Variants in YEATS4 observed in about 807,000 individuals in gnomAD.
YEATS4 encodes the protein YEATS domain-containing protein 4.
A neutral mutation model predicts 30.1 loss-of-function variants in YEATS4; 17 were observed. The ratio of observed to expected loss-of-function variants is 0.56; its 90% CI spans 0.39 to 0.85. The LOEUF is 0.85. YEATS4 is among the 40% of genes least tolerant of loss of function. YEATS4 has a pLI of 0.00. For missense variants in YEATS4, 142 were observed against 268.3 expected (o/e 0.53, Z 3.29); for synonymous variants, 85 against 87.5 (o/e 0.97, Z 0.16).
the YEATS4 span, among the ~76,000 whole-genome samples, chr12:69,414,532 G>A: frequency 6.6e-6 from 1 of 152,262 alleles, no homozygotes; most frequent in Admixed American, 6.5e-5. Context: ...TGCCCGAAGA[G>A]TACATTTCTT....
the YEATS4 span, among the ~76,000 whole-genome samples, chr12:69,420,597 G>T: frequency 6.6e-6 from 1 of 152,166 alleles, no homozygotes; most frequent in Non-Finnish European, 1.5e-5. Flanking sequence ...AAAGCTACAT[G>T]ACTCCACTCA....
At chr12:69,394,340 A>C (rs1252104442), downstream of YEATS4, among the ~76,000 whole-genome samples, 3 of 152,254 alleles carry the variant, frequency 2.0e-5, no homozygotes, top group African/African-American at 7.2e-5. Context: ...TAAAGCTTTA[A>C]GATTAAAAGA....
At chr12:69,372,234 A>ATATATATT (rs1875672445) in intron 6 of YEATS4, among the ~76,000 whole-genome samples, 1 of 152,206 alleles carries the variant, frequency 6.6e-6, no homozygotes, top group Non-Finnish European at 1.5e-5. Flanking sequence ...ATATATATTT[A>ATATATATT]CTGGGTACAT....
intron 4 of YEATS4, among the ~76,000 whole-genome samples, chr12:69,369,967 C>G (rs970569012): frequency 6.6e-6 from 1 of 152,170 alleles, no homozygotes. Flanking sequence ...CTGACTTTTT[C>G]AGTGTACCCT....
intron 2 of YEATS4, among the ~76,000 whole-genome samples, chr12:69,365,312 A>G (rs933755579): frequency 1.3e-5 from 2 of 151,994 alleles, no homozygotes; most frequent in African/African-American, 2.4e-5. Context: ...TTAGCCAGGC[A>G]TGGTGGCAGC....
At chr12:69,363,079 G>A (rs1314113522) in intron 2 of YEATS4, 172 bp downstream of exon 2, 6 of 407,454 alleles carry the variant, frequency 1.5e-5, no homozygotes, top group East Asian at 7.6e-5. Flanking sequence ...TGCAAGCTCC[G>A]CCTCCCGGGT....
At chr12:69,422,548 T>C in the YEATS4 span, 1 of 134,982 alleles carries the variant, frequency 7.4e-6, no homozygotes, top group Admixed American at 8.9e-5. Context: ...GGAGGATCAC[T>C]ACAGCCCCGG....
At chr12:69,398,637 A>C in the YEATS4 span, among the ~76,000 whole-genome samples, 3 of 151,382 alleles carry the variant, frequency 2.0e-5, no homozygotes, top group Non-Finnish European at 4.4e-5. Context: ...ACATGGCAAA[A>C]TCCTGTCTCT....
the YEATS4 span, among the ~76,000 whole-genome samples, chr12:69,426,421 A>G: frequency 6.6e-6 from 1 of 152,066 alleles, no homozygotes; most frequent in African/African-American, 2.4e-5. Context: ...CCCAGGCTGG[A>G]GTACAGTGGC....
chr12:69,374,239 T>C (rs1875756704), intron 6 of YEATS4, among the ~76,000 whole-genome samples: 1 of 152,024 alleles, frequency 6.6e-6, no homozygotes, highest in South Asian at 2.1e-4. Context: ...ATTTTAACAA[T>C]ATTGATTTTC....
At chr12:69,417,984 A>G in the YEATS4 span, among the ~76,000 whole-genome samples, 9 of 152,280 alleles carry the variant, frequency 5.9e-5, no homozygotes, top group African/African-American at 1.9e-4. Context: ...AAAATAAGCT[A>G]TATTTAAAGT....
the YEATS4 span, among the ~76,000 whole-genome samples, chr12:69,419,610 G>T: frequency 6.6e-6 from 1 of 152,084 alleles, no homozygotes; most frequent in African/African-American, 2.4e-5. Context: ...TGTATGCCAG[G>T]CCCCGGCTTA....
At chr12:69,375,495 C>T (rs11177631) in intron 6 of YEATS4, among the ~76,000 whole-genome samples, 60,829 of 151,440 alleles carry the variant, frequency 0.4, 12,487 homozygotes, top group Non-Finnish European at 0.46. Flanking sequence ...ACTTCCTAGA[C>T]GGGGTGGCGG....
At chr12:69,389,686 T>G (rs1463871621) in intron 6 of YEATS4, among the ~76,000 whole-genome samples, 13 of 151,750 alleles carry the variant, frequency 8.6e-5, no homozygotes, top group Admixed American at 8.5e-4. Flanking sequence ...GCTAATTTTG[T>G]ATTTTTGATA....
intron 6 of YEATS4, among the ~76,000 whole-genome samples, chr12:69,385,786 A>G (rs1592859776): frequency 6.6e-6 from 1 of 152,244 alleles, no homozygotes; most frequent in African/African-American, 2.4e-5. Context: ...AGAGCTTACT[A>G]TGTACCTGAC....
At chr12:69,389,746 C>T (rs1414912645) in intron 6 of YEATS4, among the ~76,000 whole-genome samples, 2 of 152,044 alleles carry the variant, frequency 1.3e-5, no homozygotes, top group African/African-American at 2.4e-5. Flanking sequence ...CTCCTGACCT[C>T]AAGTGATCCA....
chr12:69,381,811 A>C (rs1355527228), intron 6 of YEATS4, among the ~76,000 whole-genome samples: 1 of 152,120 alleles, frequency 6.6e-6, no homozygotes, highest in Non-Finnish European at 1.5e-5. Flanking sequence ...TGCCATGGTG[A>C]TGAAGGCTTG....
At position 69,359,944 on chromosome 12, in the gene YEATS4, G is replaced by A. The variant is rs779259658; in HGVS notation, c.-29G>A. 1 of 1,610,600 alleles carries A rather than the reference G, an allele frequency of 6.2e-7. No individual in the cohort carries two copies. Among genetic ancestry groups the A allele is most frequent in the South Asian group, 1.1e-5 (1 of 90,734 alleles). ...CCCGCCAGCCCCGGTCTCTTTCCCT[G>A]GCGGCGGCGGCTTCTTCCGTGGGAC... On this transcript the variant is annotated 5_prime_UTR_variant, in exon 1 of 7. Transcript: ENST00000247843.
the YEATS4 span, among the ~76,000 whole-genome samples, chr12:69,422,395 G>A: frequency 6.6e-6 from 1 of 152,068 alleles, no homozygotes; most frequent in Admixed American, 6.5e-5. Context: ...ACTTTCAGAG[G>A]CTGAGGTGGG....
Sources: gnomAD v4.1 joint callset for allele counts (sites outside exome capture counted in the v4.1 genomes callset) on GRCh38, gnomAD v4.1.1 for gene constraint, MANE v1.5 for transcripts, NCBI Gene and HGNC (gene_info 2026-07-23, HGNC 2026-07-21) for gene names.